CIT: variants seen among roughly 807,000 people sequenced by gnomAD.
The protein encoded by CIT is citron rho-interacting serine/threonine kinase, also known as citron Rho-interacting kinase.
CIT carries 79 observed loss-of-function variants against 272.7 expected under a neutral mutation model. The ratio of observed to expected loss-of-function variants is 0.29; its 90% CI spans 0.24 to 0.35. The LOEUF (loss-of-function observed/expected upper bound fraction) is 0.35, where lower values mean the gene tolerates loss of function less well. Ranked by LOEUF, CIT falls within the 10% of genes least tolerant of loss-of-function variation. The probability of loss-of-function intolerance (pLI) is 1.00; values close to 1 mark genes in which losing one functional copy is unlikely to be tolerated. For synonymous variants in CIT, 948 were observed against 995.6 expected (o/e 0.95, Z 0.90); for missense variants, 1,909 against 2,618.3 (o/e 0.73, Z 5.91).
intron 5 of CIT, among the ~76,000 whole-genome samples, chr12:119,845,066 G>A (rs983617057): frequency 6.6e-6 from 1 of 152,094 alleles, no homozygotes; most frequent in Non-Finnish European, 1.5e-5. Context: ...GTTGCACTGA[G>A]CCGAGATTGC....
In CIT at chr12:119,720,507, T is replaced by C; in HGVS notation, c.3811A>G (p.Lys1271Glu). The C allele has an allele frequency of 6.2e-7, 1 of 1,609,610 alleles. No homozygotes were observed. The highest frequency in any genetic ancestry group is 8.5e-7 in the Non-Finnish European group (1 of 1,179,044). Residue 1271 changes from lysine (K) to glutamate (E), a missense_variant, in exon 30 of 48, where the codon AAA becomes GAA. Physicochemically the swap from Lys to Glu is moderately conservative, Grantham distance 56. Transcript: ENST00000392521. ...QTKLIDFLQA[K>E]MDQPAKKKKG... is the part of the protein sequence containing the mutation. ...TTCTTTTTAGCAGGTTGGTCCATTT[T>C]GGCTTGCAGAAAATCAATGAGTTTG... is the stretch of plus-strand genomic sequence containing the variant.
At chr12:119,750,302 C>T (rs916199880) in intron 23 of CIT, among the ~76,000 whole-genome samples, 1 of 152,214 alleles carries the variant, frequency 6.6e-6, no homozygotes, top group Non-Finnish European at 1.5e-5. Context: ...GGCATGAACT[C>T]TTATATATCA....
chr12:119,806,842 C>T (rs907391351), intron 9 of CIT, among the ~76,000 whole-genome samples: 12 of 152,066 alleles, frequency 7.9e-5, no homozygotes, highest in African/African-American at 2.9e-4. Flanking sequence ...AAGAACATGA[C>T]ACTTTGAAAA....
chr12:119,696,054 G>C (rs1441555523), intron 46 of CIT, among the ~76,000 whole-genome samples: 1 of 152,168 alleles, frequency 6.6e-6, no homozygotes, highest in Admixed American at 6.5e-5. Context: ...GGCTGTATTG[G>C]CATAAAGGAT....
intron 9 of CIT, among the ~76,000 whole-genome samples, chr12:119,819,349 C>T (rs1435025206): frequency 2.6e-5 from 4 of 152,052 alleles, no homozygotes; most frequent in Non-Finnish European, 5.9e-5. Context: ...CCCCAAGAGG[C>T]AGGACCCAGG....
intron 10 of CIT, among the ~76,000 whole-genome samples, chr12:119,798,380 T>A (rs547707693): frequency 6.6e-6 from 1 of 152,214 alleles, no homozygotes; most frequent in African/African-American, 2.4e-5. Flanking sequence ...CACTCAAAGC[T>A]ACATAACTTT....
At chr12:119,716,971 A>C (rs761396351) in intron 32 of CIT, among the ~76,000 whole-genome samples, 78 of 152,366 alleles carry the variant, frequency 5.1e-4, no homozygotes, top group Non-Finnish European at 3.7e-4. Flanking sequence ...CACTTTAATG[A>C]AACGAAGGTG....
At chr12:119,858,809 G>A (rs558138048) in intron 3 of CIT, among the ~76,000 whole-genome samples, 1 of 150,852 alleles carries the variant, frequency 6.6e-6, no homozygotes, top group South Asian at 2.1e-4. Context: ...GTGACAGAGC[G>A]AGACTCCATC....
intron 9 of CIT, among the ~76,000 whole-genome samples, chr12:119,816,158 T>C (rs1967164341): frequency 6.6e-6 from 1 of 152,208 alleles, no homozygotes; most frequent in African/African-American, 2.4e-5. Flanking sequence ...GGTAATATCA[T>C]ACATGTATAA....
At chr12:119,843,926 T>C (rs926795625) in intron 5 of CIT, among the ~76,000 whole-genome samples, 9 of 152,116 alleles carry the variant, frequency 5.9e-5, no homozygotes, top group African/African-American at 2.2e-4. Context: ...GACTGTACGG[T>C]ACCGATATAA....
At chr12:119,703,416 T>C (rs1329954602) in intron 41 of CIT, among the ~76,000 whole-genome samples, 1 of 148,114 alleles carries the variant, frequency 6.8e-6, no homozygotes, top group Non-Finnish European at 1.5e-5. Context: ...TCACCCTTCA[T>C]TTCACTTTTT....
At chr12:119,772,653 T>C in intron 17 of CIT, 117 bp downstream of exon 17, 2 of 1,203,210 alleles carry the variant, frequency 1.7e-6, no homozygotes, top group Non-Finnish European at 2.2e-6. Context: ...AAAGGGATCT[T>C]CAGAAGGGAA....
chr12:119,850,387 AAGGCAAAGGAAAG>A (rs1970128901), intron 4 of CIT, 112 bp from the exon 5 acceptor site: 1 of 602,900 alleles, frequency 1.7e-6, no homozygotes. Flanking sequence ...AAAAAAAAAA[AAGGCAAAGGAAAG>A]AAGGGAAAAG....
Position 119,752,258 on chromosome 12 carries a change from G to GAC in CIT, c.2707-12_2707-11insGT. The stretch of plus-strand genomic sequence containing the variant: ...GTGCTCTAGACTGACCTGAGACAGA[G>GAC]AGAGAGAGAGAAAGAGAGATAAACC... On this transcript the variant is annotated splice_polypyrimidine_tract_variant and intron_variant, in intron 22 of 47. Coordinates refer to ENST00000392521, the MANE Select transcript of CIT (RefSeq NM_001206999.2). 6.5e-7 allele frequency: 1 copy of GAC among 1,542,486 alleles called. No individual in the cohort carries two copies. Among genetic ancestry groups the GAC allele is most frequent in the Non-Finnish European group, 8.8e-7 (1 of 1,135,874 alleles).
At chr12:119,723,992 C>A (rs1035837188) in intron 28 of CIT, among the ~76,000 whole-genome samples, 1 of 152,080 alleles carries the variant, frequency 6.6e-6, no homozygotes, top group Non-Finnish European at 1.5e-5. Flanking sequence ...AAATGTTTCA[C>A]TTAAAAAAGA....
At chr12:119,751,184 C>T (rs954847337) in intron 23 of CIT, among the ~76,000 whole-genome samples, 6 of 152,094 alleles carry the variant, frequency 3.9e-5, no homozygotes, top group African/African-American at 1.4e-4. Context: ...CCAAGATTAA[C>T]GGGATTTTCT....
chr12:119,704,284 A>C, intron 41 of CIT, 79 bp downstream of exon 41: 13 of 1,273,202 alleles, frequency 1.0e-5, no homozygotes, highest in Non-Finnish European at 1.5e-5. Context: ...GTCCCAGGAC[A>C]GTGCACTTTC....
intron 12 of CIT, chr12:119,783,141 C>A (rs1475274351): frequency 6.6e-6 from 1 of 152,384 alleles, no homozygotes; most frequent in Admixed American, 6.5e-5. Flanking sequence ...CATAAGAATC[C>A]CTTAATGCTT....
At chr12:119,869,759 A>G (rs1161533600) in intron 2 of CIT, among the ~76,000 whole-genome samples, 2 of 152,222 alleles carry the variant, frequency 1.3e-5, no homozygotes, top group African/African-American at 4.8e-5. Context: ...TGTTTAAGAT[A>G]ATTTGAATTA....
Sources: allele counts gnomAD v4.1 joint callset (sites outside exome capture counted in the v4.1 genomes callset), GRCh38; gene constraint gnomAD v4.1.1; transcripts MANE v1.5; gene names NCBI Gene and HGNC (gene_info 2026-07-23, HGNC 2026-07-21).